The following ZFHX3 variants were observed in gnomAD, a reference collection of about 807,000 sequenced individuals.
The protein encoded by ZFHX3 is zinc finger homeobox protein 3.
In ZFHX3, 42 loss-of-function variants were observed where a neutral mutation model predicts 279.1. The ratio of observed to expected loss-of-function variants is 0.15; its 90% CI spans 0.12 to 0.19. The LOEUF (loss-of-function observed/expected upper bound fraction) is 0.19. Among genes scored for constraint, ZFHX3 ranks in the 10% least tolerant of loss-of-function variants. The probability of loss-of-function intolerance (pLI) is 1.00; values close to 1 mark genes in which losing one functional copy is unlikely to be tolerated. For missense variants in ZFHX3, 4,981 were observed against 4,754.0 expected (o/e 1.05, Z -1.40); for synonymous variants, 2,293 against 1,957.8 (o/e 1.17, Z -4.52).
At chr16:73,706,780 G>A (rs2142222066) in intron 1 of ZFHX3, among the ~76,000 whole-genome samples, 1 of 152,210 alleles carries the variant, frequency 6.6e-6, no homozygotes, top group African/African-American at 2.4e-5. Context: ...ATTTTTCAGT[G>A]TATCATCTTC....
intron 4 of ZFHX3, among the ~76,000 whole-genome samples, chr16:72,840,397 G>A (rs191207525): frequency 6.2e-4 from 95 of 152,322 alleles, no homozygotes; most frequent in South Asian, 1.9e-3. Context: ...AGCCAGGGAA[G>A]GAGAGATGGA....
At chr16:72,966,026 G>T (rs1012258473) in intron 1 of ZFHX3, among the ~76,000 whole-genome samples, 4 of 152,060 alleles carry the variant, frequency 2.6e-5, no homozygotes, top group Admixed American at 2.0e-4. Context: ...TGGCAAAATG[G>T]CTTTCAGATA....
chr16:73,874,031 C>A (rs149416083), intron 1 of ZFHX3, among the ~76,000 whole-genome samples: 31 of 152,060 alleles, frequency 2.0e-4, no homozygotes, highest in Admixed American at 1.2e-3. Flanking sequence ...CTTTTCTCTT[C>A]AATATCTCAG....
At chr16:73,797,637 A>G (rs1046267446) in intron 1 of ZFHX3, among the ~76,000 whole-genome samples, 4 of 130,340 alleles carry the variant, frequency 3.1e-5, no homozygotes, top group South Asian at 2.5e-4. Flanking sequence ...AGGGGCTGGT[A>G]GAGATTTGGA....
At chr16:72,989,978 T>C (rs1004742390) in intron 1 of ZFHX3, among the ~76,000 whole-genome samples, 1 of 152,208 alleles carries the variant, frequency 6.6e-6, no homozygotes, top group Non-Finnish European at 1.5e-5. Context: ...GGCCCAGACC[T>C]TTCCCTAACA....
intron 3 of ZFHX3, among the ~76,000 whole-genome samples, chr16:73,340,918 A>G (rs2016019560): frequency 6.6e-6 from 1 of 152,234 alleles, no homozygotes; most frequent in African/African-American, 2.4e-5. Context: ...ATTTGATTAT[A>G]TAACATTTAA....
chr16:73,511,108 G>C (rs1444355142), intron 2 of ZFHX3, among the ~76,000 whole-genome samples: 1 of 152,248 alleles, frequency 6.6e-6, no homozygotes, highest in African/African-American at 2.4e-5. Flanking sequence ...TCACCTGTAA[G>C]TTGGCTGGCT....
rs558441867 is a variant in ZFHX3, at chr16:73,873,701, C to T, written c.-1608+17950G>A. Among the ~76,000 whole-genome samples, 450 of 152,200 alleles carry T rather than the reference C, an allele frequency of 3.0e-3. 1 individual carries two copies. The highest frequency in any genetic ancestry group is 0.01 in the African/African-American group (423 of 41,502). ...AATATACATGGAAATTGTGCTATGA[C>T]TCTTTAGAAAGGAAAAAAATGCATA... is the stretch of plus-strand genomic sequence containing the variant. On this transcript the variant is annotated intron_variant, in intron 1 of 17. Transcript: ENST00000641206.
At chr16:73,292,421 C>T (rs2014795572) in intron 4 of ZFHX3, among the ~76,000 whole-genome samples, 1 of 152,146 alleles carries the variant, frequency 6.6e-6, no homozygotes, top group Admixed American at 6.5e-5. Context: ...CTTTAACTTC[C>T]AGCCCAAATC....
At chr16:73,133,159 A>T (rs1597171710) in intron 6 of ZFHX3, among the ~76,000 whole-genome samples, 1 of 152,344 alleles carries the variant, frequency 6.6e-6, no homozygotes, top group Non-Finnish European at 1.5e-5. Context: ...ACTGAGTGTT[A>T]CGGTGGAATT....
At chr16:73,581,861 A>C (rs149916842) in intron 2 of ZFHX3, among the ~76,000 whole-genome samples, 10,091 of 151,094 alleles carry the variant, frequency 0.067, 1,320 homozygotes, top group African/African-American at 0.23. Context: ...TTTTTAGTAG[A>C]GACAGGGTTT....
chr16:73,215,620 T>C (rs2012176695), intron 5 of ZFHX3, among the ~76,000 whole-genome samples: 1 of 152,190 alleles, frequency 6.6e-6, no homozygotes, highest in Admixed American at 6.5e-5. Context: ...CTGTTTGACA[T>C]GGCCCCATAC....
At chr16:73,427,218 T>C (rs908104744) in intron 3 of ZFHX3, among the ~76,000 whole-genome samples, 1 of 152,194 alleles carries the variant, frequency 6.6e-6, no homozygotes, top group Non-Finnish European at 1.5e-5. Flanking sequence ...GCACTACAAA[T>C]GCAATATATT....
intron 4 of ZFHX3, among the ~76,000 whole-genome samples, chr16:72,843,066 C>T (rs1232191574): frequency 1.3e-5 from 2 of 152,156 alleles, no homozygotes; most frequent in Non-Finnish European, 2.9e-5. Context: ...ATGAGGACAG[C>T]AGATCTGGGA....
intron 4 of ZFHX3, among the ~76,000 whole-genome samples, chr16:73,316,247 C>T (rs534685189): frequency 1.3e-5 from 2 of 152,162 alleles, no homozygotes; most frequent in Non-Finnish European, 2.9e-5. Context: ...TTGAGGAAAA[C>T]CAACCTGAAT....
chr16:73,564,433 C>G (rs533427176), intron 2 of ZFHX3, among the ~76,000 whole-genome samples: 1 of 152,316 alleles, frequency 6.6e-6, no homozygotes, highest in East Asian at 1.9e-4. Context: ...TCAAGATGGG[C>G]CTTGCTTTCT....
chr16:73,415,466 C>T (rs751579028), intron 3 of ZFHX3, among the ~76,000 whole-genome samples: 1 of 152,198 alleles, frequency 6.6e-6, no homozygotes, highest in Non-Finnish European at 1.5e-5. Context: ...GAAACACACA[C>T]TATGGATTCT....
At chr16:73,089,921 G>T (rs1181666169) in intron 8 of ZFHX3, among the ~76,000 whole-genome samples, 1 of 152,182 alleles carries the variant, frequency 6.6e-6, no homozygotes, top group Non-Finnish European at 1.5e-5. Flanking sequence ...CTCATCTCCA[G>T]TCTTGATTGC....
intron 4 of ZFHX3, among the ~76,000 whole-genome samples, chr16:73,262,040 T>C (rs2013841929): frequency 6.6e-6 from 1 of 152,304 alleles, no homozygotes; most frequent in South Asian, 2.1e-4. Context: ...CTAACCCATA[T>C]AGCAGAGAAA....
Sources: allele counts gnomAD v4.1 joint callset (sites outside exome capture counted in the v4.1 genomes callset), GRCh38; gene constraint gnomAD v4.1.1; transcripts MANE v1.5; gene names NCBI Gene and HGNC (gene_info 2026-07-23, HGNC 2026-07-21).